The following LURAP1L variants were observed in gnomAD, a reference collection of about 807,000 sequenced individuals.
The protein encoded by LURAP1L is leucine rich adaptor protein 1-like.
A neutral mutation model predicts 13.8 loss-of-function variants in LURAP1L; 12 were observed. That is an observed-to-expected ratio of 0.87 (90% CI 0.56 to 1.41). The LOEUF (loss-of-function observed/expected upper bound fraction) is 1.41, where lower values mean the gene tolerates loss of function less well. Among genes scored for constraint, LURAP1L ranks in the 40% most tolerant of loss-of-function variants. The pLI is 0.00. For synonymous variants in LURAP1L, 139 were observed against 119.2 expected (o/e 1.17, Z -1.08); for missense variants, 375 against 292.9 (o/e 1.28, Z -2.04).
intron 1 of LURAP1L, among the ~76,000 whole-genome samples, chr9:12,808,402 G>A (rs1819690196): frequency 6.6e-6 from 1 of 152,032 alleles, no homozygotes; most frequent in Non-Finnish European, 1.5e-5. Flanking sequence ...GTGGCATTAA[G>A]TACATTCACA....
intron 1 of LURAP1L, among the ~76,000 whole-genome samples, chr9:12,807,094 AATATATATAT>A (rs71329889): frequency 3.4e-5 from 4 of 116,166 alleles, no homozygotes; most frequent in African/African-American, 6.4e-5. Context: ...TCTCTACTAA[AATATATATAT>A]ATATATATAT....
intron 1 of LURAP1L, among the ~76,000 whole-genome samples, chr9:12,782,015 T>C (rs545274732): frequency 5.3e-5 from 8 of 152,224 alleles, no homozygotes; most frequent in Non-Finnish European, 1.2e-4. Flanking sequence ...ATCAATTATG[T>C]TGAGCACTTT....
rs1385136968 is a variant in LURAP1L at position 12,775,733 on chromosome 9, G to A, written c.18G>A (p.Leu6=). ...GAAAAGTCATGGAAGACAGCCCGCT[G>A]CCAGACCTCAGAGACATCGAGCTGA... MEDSP[L]PDLRDIELKL... is the part of the protein sequence containing the mutation. Residue 6 remains leucine, a synonymous_variant, in exon 1 of 2, where the codon CTG becomes CTA. Coordinates refer to ENST00000319264, the MANE Select transcript of LURAP1L (RefSeq NM_203403.2). 3.1e-6 allele frequency: 5 copies of A among 1,587,886 alleles called. No homozygotes were observed. Among genetic ancestry groups the A allele is most frequent in the Non-Finnish European group, 4.3e-6 (5 of 1,170,784 alleles).
At position 12,811,786 on chromosome 9, in the gene LURAP1L, T is replaced by C. The variant is rs1819739373; in HGVS notation, c.313-9600T>C. On this transcript the variant is annotated intron_variant, in intron 1 of 1. Coordinates refer to ENST00000319264, the MANE Select transcript of LURAP1L (RefSeq NM_203403.2). Reference sequence around the variant, plus strand: ...TCTTAACAACTTAAAACAGCAAACATGTATTATCTCACAGTTCTATATTAG... The same window carrying C: ...TCTTAACAACTTAAAACAGCAAACACGTATTATCTCACAGTTCTATATTAG... 2.0e-5 allele frequency among the ~76,000 whole-genome samples: 3 copies of C among 152,166 alleles called. No homozygotes were observed. In the South Asian group the frequency reaches 6.2e-4, roughly 31 times the overall value.
intron 1 of LURAP1L, among the ~76,000 whole-genome samples, chr9:12,789,519 G>A (rs1265577513): frequency 1.3e-5 from 2 of 152,174 alleles, no homozygotes; most frequent in African/African-American, 2.4e-5. Flanking sequence ...AGCACCTGGA[G>A]TGATTAGTGC....
chr9:12,809,271 C>G (rs1376722750), intron 1 of LURAP1L, among the ~76,000 whole-genome samples: 2 of 152,136 alleles, frequency 1.3e-5, no homozygotes, highest in African/African-American at 2.4e-5. Flanking sequence ...GTATCATATA[C>G]CTTTTCTAAT....
At chr9:12,801,733 G>A (rs755853847) in intron 1 of LURAP1L, among the ~76,000 whole-genome samples, 63 of 151,970 alleles carry the variant, frequency 4.1e-4, no homozygotes, top group Non-Finnish European at 4.3e-4. Context: ...CAGACTTCAG[G>A]GAAATTTAAG....
Position 12,807,094 on chromosome 9 carries a change from A to AATATATATATATAT in LURAP1L, c.313-14281_313-14268dup, listed in dbSNP as rs71329889. 4.9e-4 allele frequency among the ~76,000 whole-genome samples: 57 copies of AATATATATATATAT among 116,154 alleles called. 2 individuals carry two copies. The highest frequency in any genetic ancestry group is 2.4e-3 in the East Asian group (8 of 3,380). 76.2% of individuals were successfully genotyped at this position (116,154 alleles called of 152,430 possible). A position where few individuals can be genotyped will look rare whatever the true frequency, so the allele number is the denominator to read the frequency against. On this transcript the variant is annotated intron_variant, in intron 1 of 1. Transcript: ENST00000319264. ...CACGGCGAAGCCCTGTCTCTACTAA[A>AATATATATATATAT]ATATATATATATATATATATATATT...
chr9:12,808,909 G>A (rs1362255276), intron 1 of LURAP1L, among the ~76,000 whole-genome samples: 1 of 152,112 alleles, frequency 6.6e-6, no homozygotes, highest in Non-Finnish European at 1.5e-5. Flanking sequence ...ACTGGTTAAT[G>A]TATAAAGAAA....
rs1204478950 is a variant in LURAP1L at position 12,775,837 on chromosome 9, A to G, written c.122A>G (p.Asp41Gly). 1 of 1,600,322 alleles carries G rather than the reference A, an allele frequency of 6.2e-7. No individual in the cohort carries two copies. The highest frequency in any genetic ancestry group is 1.8e-5 in the Admixed American group (1 of 57,136). ...EEPVPRERDRDPCGGSGGGGG... is the reference protein window; with the variant it reads ...EEPVPRERDRGPCGGSGGGGG... ...CCGGTTCCCAGGGAAAGGGACAGGG[A>G]CCCCTGCGGGGGGAGCGGTGGTGGT... is the stretch of plus-strand genomic sequence containing the variant. The change falls in exon 1 of 2, where the codon GAC (aspartate) becomes GGC (glycine). Residue 41 changes from aspartate (D) to glycine (G), a missense_variant. By Grantham distance (94) the Asp-to-Gly change is moderately conservative. Transcript: ENST00000319264.
intron 1 of LURAP1L, among the ~76,000 whole-genome samples, chr9:12,796,700 A>T (rs550241613): frequency 3.3e-5 from 5 of 151,950 alleles, no homozygotes; most frequent in Admixed American, 6.6e-5. Context: ...AGTTTTTTTT[A>T]AAAAAGAGTG....
At chr9:12,801,002 A>T (rs1001786816) in intron 1 of LURAP1L, among the ~76,000 whole-genome samples, 2 of 152,212 alleles carry the variant, frequency 1.3e-5, no homozygotes, top group African/African-American at 4.8e-5. Context: ...TACTTGCTCA[A>T]CTGAAAGATC....
chr9:12,777,876 T>C (rs2118452138), intron 1 of LURAP1L, among the ~76,000 whole-genome samples: 1 of 152,338 alleles, frequency 6.6e-6, no homozygotes, highest in East Asian at 1.9e-4. Flanking sequence ...AGTATACATT[T>C]TACCTTCTAT....
At chr9:12,799,789 G>T (rs1253643484) in intron 1 of LURAP1L, among the ~76,000 whole-genome samples, 1 of 151,572 alleles carries the variant, frequency 6.6e-6, no homozygotes, top group African/African-American at 2.4e-5. Context: ...CAGGAGAATG[G>T]CGTGAACCTG....
intron 1 of LURAP1L, among the ~76,000 whole-genome samples, chr9:12,787,121 G>T (rs1021036351): frequency 3.3e-5 from 5 of 152,066 alleles, no homozygotes; most frequent in Admixed American, 2.6e-4. Flanking sequence ...TAAAGTAGAG[G>T]ATAAAAGTTC....
intron 1 of LURAP1L, among the ~76,000 whole-genome samples, chr9:12,782,672 C>G (rs2118465792): frequency 6.6e-6 from 1 of 152,010 alleles, no homozygotes; most frequent in South Asian, 2.1e-4. Flanking sequence ...CAGTTTTGTT[C>G]TTTTTGCTCT....
chr9:12,785,562 T>A (rs761633868), intron 1 of LURAP1L, among the ~76,000 whole-genome samples: 8 of 152,178 alleles, frequency 5.3e-5, no homozygotes, highest in Non-Finnish European at 1.2e-4. Flanking sequence ...AAAATTCCCC[T>A]CTAGCTAGGT....
chr9:12,792,563 C>T (rs1021412840), intron 1 of LURAP1L, among the ~76,000 whole-genome samples: 1 of 152,054 alleles, frequency 6.6e-6, no homozygotes. Flanking sequence ...ATAAATGTGT[C>T]TATTAATAAT....
At chr9:12,807,880 G>C (rs1017916422) in intron 1 of LURAP1L, among the ~76,000 whole-genome samples, 1 of 151,530 alleles carries the variant, frequency 6.6e-6, no homozygotes, top group African/African-American at 2.4e-5. Flanking sequence ...TTTTAAGTAC[G>C]ATTTTTAGTG....
Sources: allele counts gnomAD v4.1 joint callset (sites outside exome capture counted in the v4.1 genomes callset), GRCh38; gene constraint gnomAD v4.1.1; transcripts MANE v1.5; gene names NCBI Gene and HGNC (gene_info 2026-07-23, HGNC 2026-07-21).